Variants in DPP10 observed in about 807,000 individuals in gnomAD.
The protein encoded by DPP10 is inactive dipeptidyl peptidase 10.
Under a neutral mutation model 120.9 loss-of-function variants are expected in DPP10, and 33 were observed. The ratio of observed to expected loss-of-function variants is 0.27; its 90% CI spans 0.21 to 0.37. The LOEUF (loss-of-function observed/expected upper bound fraction) is 0.37, where lower values mean the gene tolerates loss of function less well. Ranked by LOEUF, DPP10 falls within the 10% of genes least tolerant of loss-of-function variation. The pLI, the probability that DPP10 is intolerant of heterozygous loss-of-function variation, is 1.00. For synonymous variants in DPP10, 337 were observed against 326.1 expected (o/e 1.03, Z -0.36); for missense variants, 816 against 942.8 (o/e 0.87, Z 1.76).
chr2:115,304,084 A>G (rs771731452), intron 1 of DPP10, among the ~76,000 whole-genome samples: 14 of 152,050 alleles, frequency 9.2e-5, no homozygotes, highest in Non-Finnish European at 2.1e-4. Context: ...ACCTTTCCAT[A>G]TTTGACATTA....
At chr2:115,072,791 CT>C (rs974677059) in intron 1 of DPP10, among the ~76,000 whole-genome samples, 5 of 151,364 alleles carry the variant, frequency 3.3e-5, no homozygotes, top group South Asian at 4.2e-4. Context: ...AATATATTTT[CT>C]TTTTTTTTGA....
At chr2:115,117,112 A>G (rs4629165) in intron 1 of DPP10, among the ~76,000 whole-genome samples, 31,230 of 151,956 alleles carry the variant, frequency 0.21, 3,897 homozygotes, top group East Asian at 0.36. Flanking sequence ...TCCTGTTTCT[A>G]CACTCTTCCT....
chr2:114,890,596 C>A (rs1364860169), intron 1 of DPP10, among the ~76,000 whole-genome samples: 2 of 152,154 alleles, frequency 1.3e-5, no homozygotes, highest in Admixed American at 6.5e-5. Context: ...CAATTTAAAT[C>A]ATCACTTATT....
chr2:115,332,480 T>G (rs1442265528), intron 2 of DPP10, among the ~76,000 whole-genome samples: 1 of 152,160 alleles, frequency 6.6e-6, no homozygotes, highest in Admixed American at 6.5e-5. Flanking sequence ...TTGAATGTGT[T>G]TGCTTTTGCT....
At chr2:115,548,507 T>A (rs891766738) in intron 5 of DPP10, among the ~76,000 whole-genome samples, 1 of 152,074 alleles carries the variant, frequency 6.6e-6, no homozygotes, top group Non-Finnish European at 1.5e-5. Context: ...TCTACAAATA[T>A]CAGTATAGAA....
At chr2:115,804,481 C>A (rs951561404) in intron 19 of DPP10, among the ~76,000 whole-genome samples, 1 of 152,212 alleles carries the variant, frequency 6.6e-6, no homozygotes, top group South Asian at 2.1e-4. Flanking sequence ...TGAGGAACTG[C>A]GTTCCTTTGG....
chr2:115,830,095 C>G (rs958113028), intron 21 of DPP10, among the ~76,000 whole-genome samples: 1 of 152,036 alleles, frequency 6.6e-6, no homozygotes, highest in Non-Finnish European at 1.5e-5. Context: ...GTGGCTCATG[C>G]GTGTAATCCC....
At chr2:114,463,389 A>G (rs560916075) in intron 1 of DPP10, 30 of 152,266 alleles carry the variant, frequency 2.0e-4, no homozygotes, top group African/African-American at 6.3e-4. Context: ...TACTTTTTCC[A>G]TCCAGGTATA....
chr2:114,599,847 G>C (rs940816075), intron 1 of DPP10, among the ~76,000 whole-genome samples: 1 of 151,438 alleles, frequency 6.6e-6, no homozygotes, highest in Non-Finnish European at 1.5e-5. Context: ...ATTGTTTGTG[G>C]CTAGAATTCA....
intron 5 of DPP10, among the ~76,000 whole-genome samples, chr2:115,599,540 CTTTGCTAAGATT>C (rs2083193048): frequency 6.6e-6 from 1 of 151,838 alleles, no homozygotes; most frequent in Admixed American, 6.6e-5. Context: ...TTGTCTGTAT[CTTTGCTAAGATT>C]TTATACTCTA....
chr2:115,063,410 T>C (rs1446964497), intron 1 of DPP10, among the ~76,000 whole-genome samples: 1 of 152,120 alleles, frequency 6.6e-6, no homozygotes, highest in East Asian at 1.9e-4. Context: ...CTTTTGTCAA[T>C]TTTTTGCTTT....
At chr2:115,592,428 G>A (rs982355039) in intron 5 of DPP10, among the ~76,000 whole-genome samples, 2 of 151,882 alleles carry the variant, frequency 1.3e-5, no homozygotes, top group African/African-American at 4.8e-5. Context: ...TCTAGGAAAG[G>A]CATACAAAAG....
intron 3 of DPP10, among the ~76,000 whole-genome samples, chr2:115,361,851 C>T (rs912368998): frequency 6.6e-6 from 1 of 152,022 alleles, no homozygotes; most frequent in South Asian, 2.1e-4. Flanking sequence ...TGATGGTTCA[C>T]TGGATATTTT....
At position 115,072,215 on chromosome 2, in the gene DPP10, A is replaced by G. The variant is rs142765898; in HGVS notation, c.61-237024A>G. Among the ~76,000 whole-genome samples the G allele has an allele frequency of 7.9e-5, 12 of 152,302 alleles. No homozygotes were observed. In the East Asian group the frequency reaches 2.3e-3, roughly 29 times the overall value. On this transcript the variant is annotated intron_variant, in intron 1 of 25. Coordinates refer to ENST00000410059, the MANE Select transcript of DPP10 (RefSeq NM_020868.6). ...ATATCACCTGATGGTTATCTGAACG[A>G]GAGCCCGACTGAAGAGGCTGACAAT...
chr2:115,172,799 A>G (rs572549471), intron 1 of DPP10, among the ~76,000 whole-genome samples: 1 of 152,354 alleles, frequency 6.6e-6, no homozygotes, highest in South Asian at 2.1e-4. Flanking sequence ...AGAGCGATGG[A>G]AAATCAAACT....
chr2:115,619,451 T>C (rs1303855600), intron 5 of DPP10, among the ~76,000 whole-genome samples: 1 of 152,202 alleles, frequency 6.6e-6, no homozygotes, highest in Non-Finnish European at 1.5e-5. Flanking sequence ...CCACTTTCTA[T>C]AATAAAAAGT....
intron 1 of DPP10, among the ~76,000 whole-genome samples, chr2:115,247,954 C>A (rs2058604975): frequency 6.6e-6 from 1 of 152,096 alleles, no homozygotes. Flanking sequence ...CCAGGGAGAG[C>A]ATAACATGGT....
At chr2:115,412,652 C>G (rs2069046173) in intron 3 of DPP10, among the ~76,000 whole-genome samples, 1 of 152,092 alleles carries the variant, frequency 6.6e-6, no homozygotes. Flanking sequence ...TTCACCTTGG[C>G]ACAGGACTAA....
At chr2:114,718,436 A>C (rs905061541) in intron 1 of DPP10, among the ~76,000 whole-genome samples, 9 of 148,050 alleles carry the variant, frequency 6.1e-5, no homozygotes, top group Non-Finnish European at 1.3e-4. Flanking sequence ...TTAGTTCCTC[A>C]GTTGTGCTAG....
Sources: gnomAD v4.1 joint callset for allele counts (sites outside exome capture counted in the v4.1 genomes callset) on GRCh38, gnomAD v4.1.1 for gene constraint, MANE v1.5 for transcripts, NCBI Gene and HGNC (gene_info 2026-07-23, HGNC 2026-07-21) for gene names.